SLC30A9: variants seen among roughly 807,000 people sequenced by gnomAD.
SLC30A9 encodes solute carrier family 30 member 9, also known as proton-coupled zinc antiporter SLC30A9, mitochondrial.
SLC30A9 carries 58 observed loss-of-function variants against 87.5 expected under a neutral mutation model. That is an observed-to-expected ratio of 0.66 (90% confidence interval 0.54 to 0.82). The LOEUF is 0.82. Among genes scored for constraint, SLC30A9 ranks in the 40% least tolerant of loss-of-function variants. The pLI, the probability that SLC30A9 is intolerant of heterozygous loss-of-function variation, is 0.00. For missense variants in SLC30A9, 557 were observed against 679.1 expected, an observed-to-expected ratio of 0.82 and a Z score of 2.00; for synonymous variants, 234 against 233.0, an observed-to-expected ratio of 1.00 and a Z score of -0.04.
chr4:42,057,179 A>T (rs1029042105), intron 9 of SLC30A9, among the ~76,000 whole-genome samples: 1 of 152,130 alleles, frequency 6.6e-6, no homozygotes, highest in Non-Finnish European at 1.5e-5. Context: ...TGGGATATGG[A>T]GGGCAATGGC....
chr4:42,079,446 A>C (rs1197506581), intron 17 of SLC30A9, among the ~76,000 whole-genome samples: 1 of 151,872 alleles, frequency 6.6e-6, no homozygotes, highest in Admixed American at 6.6e-5. Flanking sequence ...GGTGCCTGCC[A>C]CCATGCCCAG....
chr4:42,047,559 C>A lies in SLC30A9; in HGVS notation c.738-1818C>A, dbSNP rs779098295. ...ATCTCACGCCAGTTAGATTGGCGAT[C>A]ATTTAAAAGTCAGGAAACAGCAGAT... On this transcript the variant is annotated intron_variant, in intron 8 of 17. Coordinates refer to ENST00000264451, the MANE Select transcript of SLC30A9 (RefSeq NM_006345.4). Among the ~76,000 whole-genome samples, 2 of 152,166 alleles carry A rather than the reference C, an allele frequency of 1.3e-5. 1 individual carries two copies. The highest frequency in any genetic ancestry group is 4.1e-4 in the South Asian group (2 of 4,820).
intron 9 of SLC30A9, among the ~76,000 whole-genome samples, chr4:42,050,233 A>G (rs1717330531): frequency 6.6e-6 from 1 of 152,300 alleles, no homozygotes; most frequent in East Asian, 1.9e-4. Context: ...AAAACCCTTC[A>G]TAAAAGTAAG....
chr4:42,029,590 T>A, intron 6 of SLC30A9: 5 of 700,286 alleles, frequency 7.1e-6, no homozygotes, highest in Non-Finnish European at 1.0e-5. Flanking sequence ...TTTTGAAAAT[T>A]GTGACAATGT....
rs748578116 is a variant in SLC30A9 at position 42,018,219 on chromosome 4, A to T, written c.334+49A>T. ...TGTATTATAAAGATGTTTTGAATTA[A>T]ATATATAACATTGGTTTATGTAGAG... On this transcript the variant is annotated intron_variant, in intron 3 of 17. Coordinates refer to ENST00000264451, the MANE Select transcript of SLC30A9 (RefSeq NM_006345.4). 3.8e-6 allele frequency: 4 copies of T among 1,044,464 alleles called. No individual in the cohort carries two copies. The South Asian group carries it at 5.7e-5, about 15-fold the overall frequency. The allele number at this position is 1,044,464 out of a possible 1,614,324, so 64.7% of individuals were successfully genotyped here. A position where few individuals can be genotyped will look rare whatever the true frequency, so the allele number is the denominator to read the frequency against.
rs531581837 is a variant in SLC30A9, at chr4:42,045,017, A to G, written c.738-4360A>G. On this transcript the variant is annotated intron_variant, in intron 8 of 17. Coordinates refer to ENST00000264451, the MANE Select transcript of SLC30A9 (RefSeq NM_006345.4). Reference sequence around the variant, plus strand: ...AAATAAGTTCCTTGACACCAATGAGAACAAAGACACAGTGTACCAGAATCT... The same window carrying G: ...AAATAAGTTCCTTGACACCAATGAGGACAAAGACACAGTGTACCAGAATCT... Among the ~76,000 whole-genome samples, 3 of 152,366 alleles carry G rather than the reference A, an allele frequency of 2.0e-5. No homozygotes were observed. The South Asian group carries it at 6.2e-4, about 32-fold the overall frequency.
chr4:42,012,469 T>C (rs1715487912), intron 2 of SLC30A9, among the ~76,000 whole-genome samples: 2 of 152,186 alleles, frequency 1.3e-5, no homozygotes, highest in Admixed American at 1.3e-4. Flanking sequence ...GCTTATTTTC[T>C]AAAATTTTGG....
intron 8 of SLC30A9, among the ~76,000 whole-genome samples, chr4:42,041,080 A>C (rs1350166343): frequency 1.3e-5 from 2 of 152,030 alleles, no homozygotes. Flanking sequence ...GTGCAGGGTA[A>C]CTCCCATTTT....
intron 17 of SLC30A9, among the ~76,000 whole-genome samples, chr4:42,084,888 C>T (rs749599376): frequency 6.6e-6 from 1 of 152,234 alleles, no homozygotes; most frequent in East Asian, 1.9e-4. Flanking sequence ...CACTACCAAA[C>T]GTAAGTCCAC....
chr4:42,004,030 T>C (rs2153133232), intron 2 of SLC30A9, among the ~76,000 whole-genome samples: 1 of 152,228 alleles, frequency 6.6e-6, no homozygotes, highest in Non-Finnish European at 1.5e-5. Flanking sequence ...TTCAGAATCT[T>C]TGTTAGCCAC....
rs185369144 is a variant in SLC30A9 at position 42,005,546 on chromosome 4, C to T, written c.274+3766C>T. 2.5e-3 allele frequency among the ~76,000 whole-genome samples: 384 copies of T among 152,312 alleles called. 1 individual carries two copies. Among genetic ancestry groups the T allele is most frequent in the African/African-American group, 8.9e-3 (368 of 41,552 alleles). On this transcript the variant is annotated intron_variant, in intron 2 of 17. Coordinates refer to ENST00000264451, the MANE Select transcript of SLC30A9 (RefSeq NM_006345.4). ...TTACCTCAGTGTCCCCTGTTAGACT[C>T]CTTATCTTGGCAGAACCTAGTCTTA... is the stretch of plus-strand genomic sequence containing the variant.
rs1045597914 is a variant in SLC30A9 at position 42,087,407 on chromosome 4, A to G, written c.*1281A>G. The G allele has an allele frequency of 2.6e-5, 4 of 152,148 alleles. No homozygotes were observed. Among genetic ancestry groups the G allele is most frequent in the Admixed American group, 6.5e-5 (1 of 15,272 alleles). 9.4% of individuals were successfully genotyped at this position (152,148 alleles called of 1,614,324 possible). ...TTTGCTGAATTAATGAGTTCTTAAC[A>G]TGTGGACCCAACTGCCTGTGTGAGA... is the stretch of plus-strand genomic sequence containing the variant. On this transcript the variant is annotated 3_prime_UTR_variant, in exon 18 of 18. Transcript: ENST00000264451.
chr4:42,016,104 CA>C (rs1251543452), intron 2 of SLC30A9, among the ~76,000 whole-genome samples: 1 of 151,970 alleles, frequency 6.6e-6, no homozygotes, highest in Non-Finnish European at 1.5e-5. Flanking sequence ...TCAGTTTTCT[CA>C]TAAGATGAAG....
chr4:42,056,662 G>A (rs1415928925), intron 9 of SLC30A9, among the ~76,000 whole-genome samples: 1 of 152,018 alleles, frequency 6.6e-6, no homozygotes, highest in Non-Finnish European at 1.5e-5. Context: ...TTCAAAACCA[G>A]TCATGCCTTC....
intron 1 of SLC30A9, 49 bp downstream of exon 1, chr4:41,990,809 G>T (rs1560530521): frequency 1.5e-6 from 2 of 1,378,052 alleles, no homozygotes; most frequent in South Asian, 2.4e-5. Flanking sequence ...GAACTGGAGG[G>T]CCAGGCTGGG....
intron 1 of SLC30A9, among the ~76,000 whole-genome samples, chr4:41,991,242 A>C (rs1714425388): frequency 2.6e-5 from 4 of 152,256 alleles, no homozygotes; most frequent in Non-Finnish European, 1.5e-5. Flanking sequence ...GGTGCTACTC[A>C]CTACGGATCT....
intron 1 of SLC30A9, among the ~76,000 whole-genome samples, chr4:41,994,428 A>G (rs1033422810): frequency 1.3e-5 from 2 of 151,592 alleles, no homozygotes; most frequent in African/African-American, 4.9e-5. Flanking sequence ...TCTTTTTTTC[A>G]TGTATTTATA....
chr4:42,077,834 C>A (rs960171604), intron 16 of SLC30A9, among the ~76,000 whole-genome samples: 1 of 151,970 alleles, frequency 6.6e-6, no homozygotes, highest in African/African-American at 2.4e-5. Context: ...ATCCCATTAT[C>A]ATAAAAATAT....
intron 6 of SLC30A9, among the ~76,000 whole-genome samples, chr4:42,026,821 C>A (rs1716213739): frequency 1.3e-5 from 2 of 151,866 alleles, no homozygotes. Context: ...TCTTACCACC[C>A]TATTTTTAAT....
Sources: gnomAD v4.1 joint callset for allele counts (sites outside exome capture counted in the v4.1 genomes callset) on GRCh38, gnomAD v4.1.1 for gene constraint, MANE v1.5 for transcripts, NCBI Gene and HGNC (gene_info 2026-07-23, HGNC 2026-07-21) for gene names.